APP: variants seen among roughly 807,000 people sequenced by gnomAD.
APP encodes amyloid-beta precursor protein.
APP carries 31 observed loss-of-function variants against 101.4 expected under a neutral mutation model. The observed-to-expected ratio is 0.31, with a 90% CI of 0.23 to 0.41. The LOEUF (loss-of-function observed/expected upper bound fraction) is 0.41. Ranked by LOEUF, APP falls within the 10% of genes least tolerant of loss-of-function variation. The pLI, the probability that APP is intolerant of heterozygous loss-of-function variation, is 1.00. For synonymous variants in APP, 366 were observed against 364.4 expected, an observed-to-expected ratio of 1.00 and a Z score of -0.05; for missense variants, 839 against 1,003.7, an observed-to-expected ratio of 0.84 and a Z score of 2.22.
intron 1 of APP, among the ~76,000 whole-genome samples, chr21:26,134,751 A>G (rs1262308612): frequency 3.3e-5 from 5 of 152,162 alleles, no homozygotes; most frequent in Non-Finnish European, 7.3e-5. Context: ...CTCTAATCAC[A>G]TGGTAGGTTA....
chr21:26,057,461 G>T (rs113906782), intron 3 of APP, among the ~76,000 whole-genome samples: 95 of 144,116 alleles, frequency 6.6e-4, no homozygotes, highest in African/African-American at 2.4e-3. Context: ...TATTCAAAAC[G>T]CATGTCACAC....
chr21:25,949,209 C>T (rs957852191), intron 13 of APP, among the ~76,000 whole-genome samples: 1 of 152,036 alleles, frequency 6.6e-6, no homozygotes, highest in Non-Finnish European at 1.5e-5. Flanking sequence ...TATAACACAA[C>T]AGGACACTTG....
At chr21:26,096,375 G>A (rs1033818210) in intron 2 of APP, among the ~76,000 whole-genome samples, 1 of 152,218 alleles carries the variant, frequency 6.6e-6, no homozygotes, top group Non-Finnish European at 1.5e-5. Flanking sequence ...CAGACTATCA[G>A]GAGGCTGCTG....
At chr21:26,160,812 G>A (rs2063474550) in intron 1 of APP, among the ~76,000 whole-genome samples, 1 of 152,092 alleles carries the variant, frequency 6.6e-6, no homozygotes, top group Admixed American at 6.5e-5. Flanking sequence ...CAATCAATCA[G>A]GGCATGGATG....
intron 14 of APP, 91 bp from the exon 15 acceptor site, chr21:25,905,168 A>T: frequency 9.4e-7 from 1 of 1,064,566 alleles, no homozygotes; most frequent in Non-Finnish European, 1.4e-6. Context: ...CAGGGAAAAA[A>T]GCATATGCAA....
At chr21:25,982,245 GA>G (rs1387378573) in intron 9 of APP, 98 bp downstream of exon 9, 1 of 1,325,614 alleles carries the variant, frequency 7.5e-7, no homozygotes, top group African/African-American at 1.5e-5. Flanking sequence ...CATCTTTAAA[GA>G]TCTTGATAAA....
intron 1 of APP, among the ~76,000 whole-genome samples, chr21:26,118,895 G>GA (rs892875027): frequency 2.1e-4 from 31 of 149,252 alleles, no homozygotes; most frequent in Non-Finnish European, 3.1e-4. Flanking sequence ...AAAAAAAAAT[G>GA]AAAAAAAAAT....
intron 13 of APP, among the ~76,000 whole-genome samples, chr21:25,921,492 TAAAG>T (rs2039639239): frequency 6.8e-6 from 1 of 147,018 alleles, no homozygotes; most frequent in South Asian, 2.2e-4. Context: ...GCAAGACTAA[TAAAG>T]AAAAAGAGGA....
At chr21:25,891,047 T>G (rs1377396245) in intron 17 of APP, among the ~76,000 whole-genome samples, 1 of 152,246 alleles carries the variant, frequency 6.6e-6, no homozygotes, top group East Asian at 1.9e-4. Flanking sequence ...CAAATGGCAT[T>G]TCAAATGCAT....
chr21:25,907,003 T>TG (rs1355597219), intron 14 of APP, among the ~76,000 whole-genome samples: 2 of 152,216 alleles, frequency 1.3e-5, no homozygotes, highest in Non-Finnish European at 2.9e-5. Flanking sequence ...CTCTGTGATC[T>TG]GGGGCTAATC....
At chr21:26,159,073 A>G (rs2063431785) in intron 1 of APP, among the ~76,000 whole-genome samples, 1 of 151,940 alleles carries the variant, frequency 6.6e-6, no homozygotes, top group South Asian at 2.1e-4. Flanking sequence ...TGAGAGAAAC[A>G]ATAAGATAGT....
chr21:26,057,292 CA>C (rs45524640), intron 3 of APP, among the ~76,000 whole-genome samples: 2,208 of 152,200 alleles, frequency 0.015, 32 homozygotes, highest in Middle Eastern at 0.02. Flanking sequence ...AAGACTAAAA[CA>C]AATTAAACAT....
chr21:25,910,040 A>G (rs2038989115), intron 14 of APP, among the ~76,000 whole-genome samples: 2 of 152,216 alleles, frequency 1.3e-5, no homozygotes, highest in South Asian at 4.1e-4. Context: ...TTCTTTAGAA[A>G]AAACTTGTCC....
At chr21:26,165,069 C>A (rs577337213) in intron 1 of APP, among the ~76,000 whole-genome samples, 10 of 152,230 alleles carry the variant, frequency 6.6e-5, no homozygotes, top group African/African-American at 2.4e-4. Context: ...AACATGTATT[C>A]TAAAAATTGT....
Position 25,886,359 on chromosome 21 carries a change from C to T in APP, c.2212-4588G>A, listed in dbSNP as rs73350855. Among the ~76,000 whole-genome samples the T allele has an allele frequency of 5.2e-3, 795 of 151,812 alleles. 9 individuals carry two copies. The highest frequency in any genetic ancestry group is 0.018 in the African/African-American group (743 of 41,412). On this transcript the variant is annotated intron_variant, in intron 17 of 17. Transcript: ENST00000346798. Reference sequence around the variant, plus strand: ...TGTTTATGGCCAACATCAAGCAATTCTTCAGGCAGGTTCAGGAACTCCTTT... The same window carrying T: ...TGTTTATGGCCAACATCAAGCAATTTTTCAGGCAGGTTCAGGAACTCCTTT...
At chr21:25,952,187 T>TACACACACACACACACACACACAC (rs1324301529) in intron 13 of APP, among the ~76,000 whole-genome samples, 1 of 111,094 alleles carries the variant, frequency 9.0e-6, no homozygotes, top group African/African-American at 2.9e-5. Flanking sequence ...GCATATTACA[T>TACACACACACACACACACACACAC]ACATACACAC....
intron 14 of APP, among the ~76,000 whole-genome samples, chr21:25,907,744 C>G (rs1241180549): frequency 6.6e-6 from 1 of 152,210 alleles, no homozygotes; most frequent in African/African-American, 2.4e-5. Flanking sequence ...CTTGTACAAA[C>G]TCTCTACCAG....
At chr21:25,926,928 C>T (rs1359389405) in intron 13 of APP, among the ~76,000 whole-genome samples, 2 of 147,458 alleles carry the variant, frequency 1.4e-5, no homozygotes, top group African/African-American at 2.5e-5. Flanking sequence ...GTGTGAACCC[C>T]GGAGGCGGAG....
chr21:25,885,609 C>A (rs1008199881), intron 17 of APP, among the ~76,000 whole-genome samples: 1 of 152,142 alleles, frequency 6.6e-6, no homozygotes, highest in Non-Finnish European at 1.5e-5. Context: ...ATGTGACTCT[C>A]GGTACGCTGC....
Sources: allele counts gnomAD v4.1 joint callset (sites outside exome capture counted in the v4.1 genomes callset), GRCh38; gene constraint gnomAD v4.1.1; transcripts MANE v1.5; gene names NCBI Gene and HGNC (gene_info 2026-07-23, HGNC 2026-07-21).